LUZP1: variants seen among roughly 807,000 people sequenced by gnomAD.
LUZP1 encodes leucine zipper protein 1.
Under a neutral mutation model 71.3 loss-of-function variants are expected in LUZP1, and 25 were observed. The ratio of observed to expected loss-of-function variants is 0.35; its 90% CI spans 0.26 to 0.49. LUZP1 has a LOEUF of 0.49. LUZP1 is among the 20% of genes least tolerant of loss of function. The pLI is 0.99. For synonymous variants in LUZP1, 481 were observed against 506.4 expected, an observed-to-expected ratio of 0.95 and a Z score of 0.67; for missense variants, 1,142 against 1,300.8, an observed-to-expected ratio of 0.88 and a Z score of 1.88.
chr1:23,120,931 G>C (rs1186995029), intron 2 of LUZP1, among the ~76,000 whole-genome samples: 1 of 152,118 alleles, frequency 6.6e-6, no homozygotes, highest in Admixed American at 6.5e-5. Flanking sequence ...AAACGAGGTG[G>C]ATCAGACCAC....
intron 2 of LUZP1, among the ~76,000 whole-genome samples, chr1:23,134,561 T>C (rs1274510324): frequency 6.6e-6 from 1 of 152,100 alleles, no homozygotes; most frequent in Non-Finnish European, 1.5e-5. Context: ...GGAGGACTGC[T>C]TGAGCCCAGG....
intron 3 of LUZP1, among the ~76,000 whole-genome samples, chr1:23,097,260 C>T (rs1174710783): frequency 6.6e-6 from 1 of 152,188 alleles, no homozygotes; most frequent in Non-Finnish European, 1.5e-5. Flanking sequence ...GAAGCAAAAA[C>T]ATCCCAAACA....
chr1:23,152,056 T>C (rs1337662551), intron 2 of LUZP1, among the ~76,000 whole-genome samples: 1 of 147,768 alleles, frequency 6.8e-6, no homozygotes, highest in Non-Finnish European at 1.5e-5. Context: ...CATGTTGCAA[T>C]GAAAAGAAAT....
chr1:23,146,316 C>A (rs1363521273), intron 2 of LUZP1, among the ~76,000 whole-genome samples: 1 of 152,148 alleles, frequency 6.6e-6, no homozygotes. Context: ...ACGCCCAGCC[C>A]ATGCACCATT....
chr1:23,151,168 C>T (rs938050104), intron 2 of LUZP1, among the ~76,000 whole-genome samples: 1 of 152,104 alleles, frequency 6.6e-6, no homozygotes, highest in Non-Finnish European at 1.5e-5. Context: ...CCTCAACCTC[C>T]CAAGTAGCTG....
intron 2 of LUZP1, among the ~76,000 whole-genome samples, chr1:23,155,753 C>A (rs1412209979): frequency 6.6e-6 from 1 of 152,042 alleles, no homozygotes; most frequent in Non-Finnish European, 1.5e-5. Flanking sequence ...GAGCCAAGAT[C>A]GTGCCATTGC....
At chr1:23,109,341 G>A (rs976979220) in intron 2 of LUZP1, among the ~76,000 whole-genome samples, 1 of 152,190 alleles carries the variant, frequency 6.6e-6, no homozygotes, top group East Asian at 1.9e-4. Context: ...TTGGCTGTAG[G>A]AGACTTCCCC....
intron 2 of LUZP1, among the ~76,000 whole-genome samples, chr1:23,158,530 C>T (rs1003431967): frequency 1.3e-5 from 2 of 151,534 alleles, no homozygotes; most frequent in Admixed American, 1.3e-4. Flanking sequence ...GCCTGTAATC[C>T]CAGCCACTTG....
At chr1:23,119,122 A>T (rs1557655680) in intron 2 of LUZP1, among the ~76,000 whole-genome samples, 1 of 151,848 alleles carries the variant, frequency 6.6e-6, no homozygotes, top group Admixed American at 6.6e-5. Flanking sequence ...CTAATTTCTC[A>T]TTTTTTTATA....
At chr1:23,085,243 G>C (rs760658679) in exon 5 of LUZP1, 3 of 152,484 alleles carry the variant, frequency 2.0e-5, no homozygotes, top group Non-Finnish European at 2.9e-5. Context: ...CCCAACAAAG[G>C]GGCCTATAAT....
chr1:23,162,520 G>A (rs572936402), intron 2 of LUZP1, among the ~76,000 whole-genome samples: 1 of 151,240 alleles, frequency 6.6e-6, no homozygotes, highest in Admixed American at 6.6e-5. Context: ...CTCACTGCAA[G>A]CTCTGCCTCC....
At chr1:23,139,856 G>A (rs1193894163) in intron 2 of LUZP1, among the ~76,000 whole-genome samples, 1 of 151,948 alleles carries the variant, frequency 6.6e-6, no homozygotes, top group Non-Finnish European at 1.5e-5. Context: ...AGGCTGAGGT[G>A]GGAGGATCAC....
At chr1:23,115,682 C>T (rs371397504) in intron 2 of LUZP1, among the ~76,000 whole-genome samples, 17 of 151,866 alleles carry the variant, frequency 1.1e-4, no homozygotes, top group African/African-American at 3.4e-4. Context: ...CTGGGATTAC[C>T]GGTGCATGCC....
chr1:23,175,919 A>G (rs1441801464), intron 1 of LUZP1, among the ~76,000 whole-genome samples: 1 of 152,200 alleles, frequency 6.6e-6, no homozygotes, highest in African/African-American at 2.4e-5. Context: ...CAGAGAGGGT[A>G]AGGAACATGC....
chr1:23,117,517 G>A (rs1384453367), intron 2 of LUZP1, among the ~76,000 whole-genome samples: 2 of 76,574 alleles, frequency 2.6e-5, no homozygotes, highest in Admixed American at 1.6e-4. Flanking sequence ...TGGGGGGGGG[G>A]GCGGGGGGGG....
chr1:23,158,803 C>T (rs990900998), intron 2 of LUZP1, among the ~76,000 whole-genome samples: 5 of 150,506 alleles, frequency 3.3e-5, no homozygotes, highest in East Asian at 3.9e-4. Flanking sequence ...ACCGTCTCTA[C>T]TAAAAATACA....
intron 2 of LUZP1, among the ~76,000 whole-genome samples, chr1:23,151,891 G>C (rs1195735026): frequency 1.3e-5 from 2 of 151,578 alleles, no homozygotes; most frequent in Non-Finnish European, 2.9e-5. Flanking sequence ...AGTCCCAGCT[G>C]CTCGGGAGGC....
chr1:23,157,651 C>A (rs1163169053), intron 2 of LUZP1, among the ~76,000 whole-genome samples: 1 of 151,944 alleles, frequency 6.6e-6, no homozygotes, highest in Non-Finnish European at 1.5e-5. Flanking sequence ...ATTAGCCCAG[C>A]GTGGTGGTGG....
At chr1:23,088,997 C>A (rs771677688) in exon 5 of LUZP1, 7 of 1,614,164 alleles carry the variant, frequency 4.3e-6, no homozygotes, top group Non-Finnish European at 5.9e-6. Context: ...CAGACGGATC[C>A]AGGGAGTTGT....
Sources: allele counts gnomAD v4.1 joint callset (sites outside exome capture counted in the v4.1 genomes callset), GRCh38; gene constraint gnomAD v4.1.1; transcripts MANE v1.5; gene names NCBI Gene and HGNC (gene_info 2026-07-23, HGNC 2026-07-21).